Variants in SSH2 observed in about 807,000 individuals in gnomAD.
The protein encoded by SSH2 is slingshot protein phosphatase 2.
Under a neutral mutation model 135.2 loss-of-function variants are expected in SSH2, and 37 were observed. The observed-to-expected ratio is 0.27, with a 90% confidence interval of 0.21 to 0.36. The LOEUF is 0.36. Among genes scored for constraint, SSH2 ranks in the 10% least tolerant of loss-of-function variants. SSH2 has a pLI of 1.00. For missense variants in SSH2, 1,408 were observed against 1,765.3 expected (o/e 0.80, Z 3.63); for synonymous variants, 628 against 646.2 (o/e 0.97, Z 0.43).
chr17:29,821,621 C>G (rs1271613325), intron 2 of SSH2, among the ~76,000 whole-genome samples: 1 of 150,960 alleles, frequency 6.6e-6, no homozygotes, highest in Non-Finnish European at 1.5e-5. Flanking sequence ...AAAATCCAAC[C>G]AATCAACTAA....
rs570176278 is a variant in SSH2 at position 29,642,073 on chromosome 17, T to C, written c.1428-5271A>G. Among the ~76,000 whole-genome samples, 39 of 152,282 alleles carry C rather than the reference T, an allele frequency of 2.6e-4. No homozygotes were observed. The South Asian group carries it at 7.3e-3, about 28-fold the overall frequency. ...ATTATCTGAATATTTTTTTGTGTGATGTGCATCGCCCAAGATGCTTTAAGA... is the reference window on the plus strand; with the variant it reads ...ATTATCTGAATATTTTTTTGTGTGACGTGCATCGCCCAAGATGCTTTAAGA... On this transcript the variant is annotated intron_variant, in intron 14 of 15. Transcript: ENST00000540801.
chr17:29,647,082 G>A (rs1050955697), intron 14 of SSH2, among the ~76,000 whole-genome samples: 3 of 151,652 alleles, frequency 2.0e-5, no homozygotes, highest in Non-Finnish European at 4.4e-5. Context: ...AGACCACAGT[G>A]AAACCCCATC....
chr17:29,654,823 T>C (rs929853971), intron 12 of SSH2, among the ~76,000 whole-genome samples: 1 of 152,150 alleles, frequency 6.6e-6, no homozygotes, highest in Non-Finnish European at 1.5e-5. Context: ...AACCATAACC[T>C]ACAGTCTTTA....
chr17:29,749,145 C>G (rs2040850750), intron 3 of SSH2, among the ~76,000 whole-genome samples: 1 of 152,152 alleles, frequency 6.6e-6, no homozygotes, highest in Non-Finnish European at 1.5e-5. Flanking sequence ...GTGCCAGAAC[C>G]TACACCACAC....
intron 1 of SSH2, among the ~76,000 whole-genome samples, chr17:29,872,080 G>A (rs773384951): frequency 2.8e-4 from 42 of 152,308 alleles, no homozygotes; most frequent in South Asian, 2.7e-3. Context: ...GTGGAAAGCA[G>A]TTGTCTATTA....
At position 29,660,298 on chromosome 17, in the gene SSH2, C is replaced by T. The variant is rs3115098; in HGVS notation, c.1033-4691G>A. Among the ~76,000 whole-genome samples the T allele has an allele frequency of 8.8e-3, 1,316 of 150,026 alleles. 49 individuals carry two copies. Among genetic ancestry groups the T allele is most frequent in the Admixed American group, 0.069 (1,028 of 14,990 alleles). The stretch of plus-strand genomic sequence containing the variant: ...TTTTTTTTTTTTTAGATTGCAGTCT[C>T]GCTCTGTCGCCAGGCTGGAGTGCAG... On this transcript the variant is annotated intron_variant, in intron 11 of 15. Coordinates refer to ENST00000540801, the MANE Select transcript of SSH2 (RefSeq NM_001282129.2).
At chr17:29,847,644 C>T (rs575287135) in intron 2 of SSH2, among the ~76,000 whole-genome samples, 4 of 152,234 alleles carry the variant, frequency 2.6e-5, no homozygotes, top group African/African-American at 9.6e-5. Context: ...GGCAAGAGTC[C>T]AGCAGGACTT....
chr17:29,658,757 C>T (rs1259927633), intron 11 of SSH2, among the ~76,000 whole-genome samples: 3 of 149,250 alleles, frequency 2.0e-5, no homozygotes, highest in African/African-American at 7.5e-5. Context: ...ATCATAGCTA[C>T]TTGGGAGGCT....
intron 1 of SSH2, among the ~76,000 whole-genome samples, chr17:29,908,763 G>T: frequency 2.0e-5 from 1 of 50,882 alleles, no homozygotes; most frequent in African/African-American, 1.0e-4. Context: ...GACTCCATCT[G>T]AAAAAAAAAA....
intron 3 of SSH2, among the ~76,000 whole-genome samples, chr17:29,761,601 C>G (rs2041310534): frequency 6.6e-6 from 1 of 152,172 alleles, no homozygotes; most frequent in Admixed American, 6.5e-5. Context: ...CCCCAAGACA[C>G]TGCTGCCTCG....
chr17:29,760,700 T>C (rs1481706032), intron 3 of SSH2, among the ~76,000 whole-genome samples: 2 of 151,966 alleles, frequency 1.3e-5, no homozygotes, highest in African/African-American at 4.8e-5. Flanking sequence ...GTCCTTCTTT[T>C]TGTAAATGGT....
chr17:29,922,810 T>G (rs940485924), intron 1 of SSH2, among the ~76,000 whole-genome samples: 3 of 152,196 alleles, frequency 2.0e-5, no homozygotes, highest in Non-Finnish European at 2.9e-5. Context: ...GAATATCCAG[T>G]GTAAATACAG....
intron 3 of SSH2, among the ~76,000 whole-genome samples, chr17:29,739,049 G>A (rs1313609422): frequency 1.3e-5 from 2 of 152,160 alleles, no homozygotes; most frequent in African/African-American, 4.8e-5. Flanking sequence ...CAGCCAAACA[G>A]AAGGAAACAC....
chr17:29,696,917 C>A (rs894701999), intron 4 of SSH2, among the ~76,000 whole-genome samples: 10 of 151,906 alleles, frequency 6.6e-5, no homozygotes, highest in African/African-American at 2.2e-4. Context: ...ATCTCCTGAC[C>A]TTGTGATCCG....
intron 1 of SSH2, among the ~76,000 whole-genome samples, chr17:29,914,411 A>T (rs562137767): frequency 2.4e-4 from 37 of 151,970 alleles, no homozygotes; most frequent in Admixed American, 1.6e-3. Context: ...ATAATAATAA[A>T]AAAAGTAGGC....
At chr17:29,929,028 G>A (rs2067124921) in intron 1 of SSH2, among the ~76,000 whole-genome samples, 1 of 152,064 alleles carries the variant, frequency 6.6e-6, no homozygotes, top group Non-Finnish European at 1.5e-5. Context: ...GCAATATATT[G>A]TTTTTAAAAA....
At chr17:29,881,442 CTTTT>C (rs1168099901) in intron 1 of SSH2, among the ~76,000 whole-genome samples, 1 of 152,012 alleles carries the variant, frequency 6.6e-6, no homozygotes, top group Non-Finnish European at 1.5e-5. Flanking sequence ...TCCTGTCTTT[CTTTT>C]GTTTGTTCTT....
At chr17:29,668,559 G>A (rs1463832376) in intron 9 of SSH2, among the ~76,000 whole-genome samples, 1 of 151,786 alleles carries the variant, frequency 6.6e-6, no homozygotes, top group South Asian at 2.1e-4. Context: ...GCAAAACCGC[G>A]TATCTACAAA....
At chr17:29,634,974 C>A (rs1345132437) in intron 15 of SSH2, among the ~76,000 whole-genome samples, 1 of 152,146 alleles carries the variant, frequency 6.6e-6, no homozygotes, top group Non-Finnish European at 1.5e-5. Flanking sequence ...ACGACCTCGG[C>A]TCACTGCAAT....
Sources: allele counts gnomAD v4.1 joint callset (sites outside exome capture counted in the v4.1 genomes callset), GRCh38; gene constraint gnomAD v4.1.1; transcripts MANE v1.5; gene names NCBI Gene and HGNC (gene_info 2026-07-23, HGNC 2026-07-21).